The following ZDHHC5 variants were observed in gnomAD, a reference collection of about 807,000 sequenced individuals.
ZDHHC5 encodes the protein zDHHC palmitoyltransferase 5, also known as palmitoyltransferase ZDHHC5.
In ZDHHC5, 22 loss-of-function variants were observed where a neutral mutation model predicts 70.0. The observed-to-expected ratio is 0.31, with a 90% confidence interval of 0.22 to 0.45. The LOEUF (loss-of-function observed/expected upper bound fraction) is 0.45. Among genes scored for constraint, ZDHHC5 ranks in the 20% least tolerant of loss-of-function variants. The pLI is 1.00. For missense variants in ZDHHC5, 746 were observed against 926.9 expected (o/e 0.80, Z 2.53); for synonymous variants, 313 against 347.8 (o/e 0.90, Z 1.11).
chr11:57,690,327 G>T lies in ZDHHC5; in HGVS notation c.558-8G>T. The T allele has an allele frequency of 6.2e-7, 1 of 1,614,138 alleles. No homozygotes were observed. The highest frequency in any genetic ancestry group is 1.1e-5 in the South Asian group (1 of 91,078). ...GTTGCTCTGTTCTCCTTGATTGTTT[G>T]GCATCAGAATGGCAGTAATGTGTGT... On this transcript the variant is annotated splice_polypyrimidine_tract_variant and splice_region_variant and intron_variant, in intron 5 of 11. Transcript: ENST00000287169.
intron 7 of ZDHHC5, among the ~76,000 whole-genome samples, 178 bp from the exon 8 acceptor site, chr11:57,693,605 C>G (rs979906345): frequency 6.6e-6 from 1 of 152,220 alleles, no homozygotes; most frequent in Non-Finnish European, 1.5e-5. Context: ...AGGCCTAGTC[C>G]TGCTGCAGTC....
At chr11:57,669,815 C>T (rs948454344) in intron 1 of ZDHHC5, among the ~76,000 whole-genome samples, 1 of 152,234 alleles carries the variant, frequency 6.6e-6, no homozygotes, top group African/African-American at 2.4e-5. Flanking sequence ...ACTGTTGACT[C>T]TGATGAACCA....
intron 6 of ZDHHC5, 100 bp from the exon 7 acceptor site, chr11:57,692,511 C>A: frequency 1.0e-6 from 1 of 972,724 alleles, no homozygotes; most frequent in Non-Finnish European, 1.6e-6. Flanking sequence ...TTGCATAGCC[C>A]TCAGATAGTG....
At chr11:57,679,359 A>T (rs1272892159) in intron 2 of ZDHHC5, among the ~76,000 whole-genome samples, 1 of 152,082 alleles carries the variant, frequency 6.6e-6, no homozygotes, top group Non-Finnish European at 1.5e-5. Flanking sequence ...ACAGAGTTTC[A>T]CCATGTTGGC....
At chr11:57,686,381 T>C (rs1465525171) in intron 3 of ZDHHC5, among the ~76,000 whole-genome samples, 2 of 152,120 alleles carry the variant, frequency 1.3e-5, no homozygotes, top group African/African-American at 4.8e-5. Flanking sequence ...AGTGGCTCCA[T>C]CTCGGCTCAC....
At chr11:57,687,291 C>G (rs1386549078) in intron 3 of ZDHHC5, among the ~76,000 whole-genome samples, 2 of 149,896 alleles carry the variant, frequency 1.3e-5, no homozygotes, top group Non-Finnish European at 3.0e-5. Context: ...AAAAATTGCT[C>G]TGGGTGCGGT....
intron 10 of ZDHHC5, among the ~76,000 whole-genome samples, chr11:57,697,455 C>T (rs541701166): frequency 2.2e-4 from 33 of 149,558 alleles, no homozygotes; most frequent in South Asian, 6.3e-4. Context: ...AGAGCGAGAC[C>T]GCATCTCAAA....
rs17152023 is a variant in ZDHHC5 at position 57,678,270 on chromosome 11, T to A, written c.105-4152T>A. 5.8e-3 allele frequency among the ~76,000 whole-genome samples: 884 copies of A among 152,296 alleles called. 13 individuals carry two copies. Among genetic ancestry groups the A allele is most frequent in the African/African-American group, 0.021 (861 of 41,548 alleles). ...ATAGTTAATAATGTTTTCTTTTGTC[T>A]TCTGTCCACTGAATGCTCAGTATCA... On this transcript the variant is annotated intron_variant, in intron 2 of 11. Transcript: ENST00000287169.
chr11:57,688,498 C>G lies in ZDHHC5; in HGVS notation c.227-10C>G. ...CATAGTTGTTTTTAATTGACTTTTC[C>G]TCTCTACAGCTGAGGAGGATGAGGA... On this transcript the variant is annotated splice_polypyrimidine_tract_variant and intron_variant, in intron 3 of 11. Coordinates refer to ENST00000287169, the MANE Select transcript of ZDHHC5 (RefSeq NM_015457.3). 2.0e-6 allele frequency: 3 copies of G among 1,531,700 alleles called. No homozygotes were observed. The highest frequency in any genetic ancestry group is 2.6e-6 in the Non-Finnish European group (3 of 1,135,398). The allele number at this position is 1,531,700 out of a possible 1,614,324, so 94.9% of individuals were successfully genotyped here. A position where few individuals can be genotyped will look rare whatever the true frequency, so the allele number is the denominator to read the frequency against.
chr11:57,679,514 C>A (rs1001990111), intron 2 of ZDHHC5, among the ~76,000 whole-genome samples: 1 of 152,128 alleles, frequency 6.6e-6, no homozygotes, highest in African/African-American at 2.4e-5. Flanking sequence ...AATGGATGGG[C>A]AGAAGAACCC....
chr11:57,669,835 T>G (rs1945981393), intron 1 of ZDHHC5, among the ~76,000 whole-genome samples: 1 of 152,238 alleles, frequency 6.6e-6, no homozygotes, highest in South Asian at 2.1e-4. Flanking sequence ...ATACTCACCC[T>G]TGTGGTTTCA....
chr11:57,675,387 T>G (rs1365983698), intron 2 of ZDHHC5, among the ~76,000 whole-genome samples: 1 of 152,254 alleles, frequency 6.6e-6, no homozygotes, highest in Admixed American at 6.5e-5. Context: ...TACAAAGAGT[T>G]GTCCTGACAT....
At position 57,672,450 on chromosome 11, in the gene ZDHHC5, T is replaced by C. The variant is rs1489755253; in HGVS notation, c.-641T>C. The C allele has an allele frequency of 7.8e-6, 3 of 384,716 alleles. No individual in the cohort carries two copies. Among genetic ancestry groups the C allele is most frequent in the Non-Finnish European group, 1.4e-5 (3 of 217,988 alleles). 23.8% of individuals were successfully genotyped at this position (384,716 alleles called of 1,614,324 possible). ...TACAAGCCCTGGTGAAGTCAGGGTG[T>C]GGGAGTGGTGGCATTGAGAAGACTA... On this transcript the variant is annotated 5_prime_UTR_variant, in exon 2 of 12. Transcript: ENST00000287169.
intron 2 of ZDHHC5, among the ~76,000 whole-genome samples, chr11:57,673,565 C>T (rs1016590127): frequency 4.6e-5 from 7 of 152,178 alleles, no homozygotes; most frequent in Admixed American, 6.5e-5. Flanking sequence ...GAGAACTAGA[C>T]TAGACTAAAG....
At chr11:57,684,704 C>T (rs1007450041) in intron 3 of ZDHHC5, among the ~76,000 whole-genome samples, 4 of 152,116 alleles carry the variant, frequency 2.6e-5, no homozygotes, top group African/African-American at 9.7e-5. Flanking sequence ...GGGAGAGAAC[C>T]ATCATCAGTG....
At chr11:57,678,439 T>TGC (rs910730502) in intron 2 of ZDHHC5, among the ~76,000 whole-genome samples, 1 of 151,614 alleles carries the variant, frequency 6.6e-6, no homozygotes, top group African/African-American at 2.4e-5. Flanking sequence ...GGCGTGGTGG[T>TGC]GGGCGCCTGT....
chr11:57,691,677 A>G (rs1946286569), intron 6 of ZDHHC5, among the ~76,000 whole-genome samples: 1 of 152,170 alleles, frequency 6.6e-6, no homozygotes, highest in Non-Finnish European at 1.5e-5. Flanking sequence ...TATCCAAATA[A>G]TAGTATTCTT....
chr11:57,700,180 G>C lies in ZDHHC5; in HGVS notation c.*149G>C. ...GAGGATGAGGAGTGTTTTCTAAAAT[G>C]CAGTAGGCTTGGGGAGTCGGAGAGT... On this transcript the variant is annotated 3_prime_UTR_variant, in exon 12 of 12. Transcript: ENST00000287169. The C allele has an allele frequency of 9.0e-7, 1 of 1,108,842 alleles. No individual in the cohort carries two copies. Among genetic ancestry groups the C allele is most frequent in the East Asian group, 2.8e-5 (1 of 35,826 alleles). The allele number at this position is 1,108,842 out of a possible 1,614,324, so 68.7% of individuals were successfully genotyped here.
chr11:57,686,508 G>A (rs979965746), intron 3 of ZDHHC5, among the ~76,000 whole-genome samples: 6 of 151,858 alleles, frequency 4.0e-5, no homozygotes, highest in African/African-American at 1.5e-4. Flanking sequence ...TAGAGATGGG[G>A]TCTCACCATG....
Sources: allele counts gnomAD v4.1 joint callset (sites outside exome capture counted in the v4.1 genomes callset), GRCh38; gene constraint gnomAD v4.1.1; transcripts MANE v1.5; gene names NCBI Gene and HGNC (gene_info 2026-07-23, HGNC 2026-07-21).